The following NPSR1 variants were observed in gnomAD, a reference collection of about 807,000 sequenced individuals.
NPSR1 encodes neuropeptide S receptor.
NPSR1 carries 48 observed loss-of-function variants against 46.9 expected under a neutral mutation model. The observed-to-expected ratio is 1.02, with a 90% CI of 0.81 to 1.30. The LOEUF (loss-of-function observed/expected upper bound fraction) is 1.30, where lower values mean the gene tolerates loss of function less well. Among genes scored for constraint, NPSR1 ranks in the 50% most tolerant of loss-of-function variants. NPSR1 has a pLI of 0.00. For synonymous variants in NPSR1, 176 were observed against 168.1 expected, an observed-to-expected ratio of 1.05 and a Z score of -0.36; for missense variants, 450 against 449.5, an observed-to-expected ratio of 1.00 and a Z score of -0.01.
In NPSR1 at chr7:34,715,192, C is replaced by T. The variant is rs546162259; in HGVS notation, c.280+30508C>T. ...CTCATAATTTAGGTTGCTTGAAAGG[C>T]GGAGCAAGAAAAGTTACCTAGTTTA... On this transcript the variant is annotated intron_variant, in intron 2 of 8. Transcript: ENST00000360581. 1.2e-4 allele frequency among the ~76,000 whole-genome samples: 18 copies of T among 152,240 alleles called. No individual in the cohort carries two copies. The East Asian group carries it at 1.5e-3, about 13-fold the overall frequency.
intron 1 of NPSR1, 49 bp from the exon 2 acceptor site, chr7:34,684,503 C>T (rs201912242): frequency 8.1e-5 from 129 of 1,590,438 alleles, no homozygotes; most frequent in Non-Finnish European, 1.1e-4. Context: ...CTGTAAAGAA[C>T]TCCAGTTCTC....
At chr7:34,821,858 C>T (rs914585672) in intron 4 of NPSR1, among the ~76,000 whole-genome samples, 13 of 152,196 alleles carry the variant, frequency 8.5e-5, no homozygotes, top group African/African-American at 3.1e-4. Flanking sequence ...GGAAAATCCT[C>T]ATCATCAGTA....
chr7:34,703,924 T>C (rs756142938), intron 2 of NPSR1: 10 of 152,094 alleles, frequency 6.6e-5, no homozygotes, highest in Non-Finnish European at 1.2e-4. Flanking sequence ...AGAAAACATA[T>C]TTTTTGGCGC....
At chr7:34,780,822 G>A (rs2128737975) in intron 3 of NPSR1, among the ~76,000 whole-genome samples, 1 of 152,200 alleles carries the variant, frequency 6.6e-6, no homozygotes. Flanking sequence ...CACTTGCAAG[G>A]CTGTCTTTAT....
At chr7:34,737,456 A>G (rs959468000) in intron 2 of NPSR1, among the ~76,000 whole-genome samples, 1 of 152,196 alleles carries the variant, frequency 6.6e-6, no homozygotes, top group African/African-American at 2.4e-5. Context: ...GTAATTGTCC[A>G]TACTCACTGT....
intron 2 of NPSR1, among the ~76,000 whole-genome samples, chr7:34,725,373 C>T (rs577517650): frequency 4.6e-5 from 7 of 152,232 alleles, no homozygotes; most frequent in South Asian, 2.1e-4. Context: ...AATCCTCTAC[C>T]GGGATAAGAT....
At chr7:34,787,062 C>T (rs907025727) in intron 3 of NPSR1, among the ~76,000 whole-genome samples, 1 of 152,150 alleles carries the variant, frequency 6.6e-6, no homozygotes, top group Non-Finnish European at 1.5e-5. Flanking sequence ...CTTCTCCTCT[C>T]TAGCTATAGA....
At chr7:34,771,282 A>C (rs1786671990) in intron 2 of NPSR1, among the ~76,000 whole-genome samples, 1 of 152,100 alleles carries the variant, frequency 6.6e-6, no homozygotes, top group Non-Finnish European at 1.5e-5. Context: ...GAAAATTTTT[A>C]AAAAGTAAAA....
chr7:34,794,552 T>C (rs1256604533), intron 3 of NPSR1, among the ~76,000 whole-genome samples: 1 of 152,092 alleles, frequency 6.6e-6, no homozygotes, highest in Non-Finnish European at 1.5e-5. Flanking sequence ...TTGAATAAAC[T>C]TCCAAAACAG....
At chr7:34,762,623 T>C (rs1410097063) in intron 2 of NPSR1, among the ~76,000 whole-genome samples, 2 of 152,128 alleles carry the variant, frequency 1.3e-5, no homozygotes, top group Non-Finnish European at 2.9e-5. Context: ...CAAGCTATTA[T>C]TATATATACA....
Position 34,782,089 on chromosome 7 carries a change from G to A in NPSR1, c.384+3524G>A, listed in dbSNP as rs76861304. On this transcript the variant is annotated intron_variant, in intron 3 of 8. Transcript: ENST00000360581. ...AGCTACGCCTTGCCCCAACCCTGAA[G>A]CCACTGAAAGACTGTGTTCTCAGCT... 2.8e-3 allele frequency among the ~76,000 whole-genome samples: 428 copies of A among 152,274 alleles called. 2 individuals are homozygous for A. Among genetic ancestry groups the A allele is most frequent in the African/African-American group, 9.8e-3 (409 of 41,560 alleles).
At chr7:34,728,317 C>T (rs963606071) in intron 2 of NPSR1, among the ~76,000 whole-genome samples, 1 of 152,156 alleles carries the variant, frequency 6.6e-6, no homozygotes, top group Non-Finnish European at 1.5e-5. Context: ...AACAGGGTAT[C>T]AGAACATCCT....
At chr7:34,813,112 G>A (rs750556758) in intron 4 of NPSR1, among the ~76,000 whole-genome samples, 15 of 152,188 alleles carry the variant, frequency 9.9e-5, no homozygotes, top group South Asian at 6.2e-4. Flanking sequence ...ACGTGTGCAT[G>A]TATACATATG....
At chr7:34,798,755 T>C (rs987536460) in intron 3 of NPSR1, among the ~76,000 whole-genome samples, 1 of 152,004 alleles carries the variant, frequency 6.6e-6, no homozygotes, top group Admixed American at 6.6e-5. Flanking sequence ...TGTAAAAAAA[T>C]AGAAATTACA....
At chr7:34,833,248 G>C (rs1790200801) in intron 5 of NPSR1, among the ~76,000 whole-genome samples, 1 of 152,192 alleles carries the variant, frequency 6.6e-6, no homozygotes, top group Non-Finnish European at 1.5e-5. Flanking sequence ...AAAGTTTTTA[G>C]TCAAGATGCT....
chr7:34,843,386 C>T (rs981943072), intron 6 of NPSR1, among the ~76,000 whole-genome samples: 5 of 152,168 alleles, frequency 3.3e-5, no homozygotes, highest in Non-Finnish European at 7.3e-5. Flanking sequence ...AAGCCCACTT[C>T]CACAATAACA....
intron 8 of NPSR1, among the ~76,000 whole-genome samples, chr7:34,872,067 C>G (rs1791468244): frequency 6.6e-6 from 1 of 151,988 alleles, no homozygotes; most frequent in African/African-American, 2.4e-5. Flanking sequence ...CACCCTGCAA[C>G]AGGCTTCTGC....
chr7:34,737,756 C>T (rs1019353650), intron 2 of NPSR1, among the ~76,000 whole-genome samples: 2 of 152,118 alleles, frequency 1.3e-5, no homozygotes, highest in African/African-American at 4.8e-5. Flanking sequence ...TAATATTTCT[C>T]ATATTAATAG....
At chr7:34,675,573 C>T (rs746217633) in intron 1 of NPSR1, among the ~76,000 whole-genome samples, 28 of 152,336 alleles carry the variant, frequency 1.8e-4, no homozygotes, top group South Asian at 4.1e-4. Flanking sequence ...GCACCTTCTA[C>T]GGGCCAGACA....
Sources: allele counts gnomAD v4.1 joint callset (sites outside exome capture counted in the v4.1 genomes callset), GRCh38; gene constraint gnomAD v4.1.1; transcripts MANE v1.5; gene names NCBI Gene and HGNC (gene_info 2026-07-23, HGNC 2026-07-21).